Variants in ZFHX3 observed in about 807,000 individuals in gnomAD.
ZFHX3 encodes the protein zinc finger homeobox protein 3.
Under a neutral mutation model 279.1 loss-of-function variants are expected in ZFHX3, and 42 were observed. The observed-to-expected ratio is 0.15, with a 90% CI of 0.12 to 0.19. The LOEUF is 0.19. Among genes scored for constraint, ZFHX3 ranks in the 10% least tolerant of loss-of-function variants. The pLI is 1.00. For missense variants in ZFHX3, 4,981 were observed against 4,754.0 expected (o/e 1.05, Z -1.40); for synonymous variants, 2,293 against 1,957.8 (o/e 1.17, Z -4.52).
intron 3 of ZFHX3, among the ~76,000 whole-genome samples, chr16:73,327,085 T>C (rs2015704834): frequency 6.6e-6 from 1 of 152,218 alleles, no homozygotes; most frequent in African/African-American, 2.4e-5. Context: ...TTGGCAGAAA[T>C]GAAGCCCAGA....
chr16:72,965,014 C>T (rs1399732839), intron 1 of ZFHX3, among the ~76,000 whole-genome samples: 2 of 151,982 alleles, frequency 1.3e-5, no homozygotes, highest in Non-Finnish European at 2.9e-5. Context: ...AGTAGCTGGG[C>T]CTACAGGCGA....
intron 4 of ZFHX3, among the ~76,000 whole-genome samples, chr16:73,294,789 G>T (rs961601063): frequency 6.8e-5 from 10 of 147,680 alleles, no homozygotes; most frequent in African/African-American, 2.5e-4. Flanking sequence ...TCCGGCCTGG[G>T]CAACAAAGTA....
chr16:73,223,017 T>C (rs1459344319), intron 5 of ZFHX3, among the ~76,000 whole-genome samples: 3 of 151,996 alleles, frequency 2.0e-5, no homozygotes, highest in African/African-American at 7.2e-5. Context: ...ACATCCAATA[T>C]AAAAAAATGA....
At chr16:73,475,017 A>G (rs905939544) in intron 2 of ZFHX3, among the ~76,000 whole-genome samples, 6 of 152,116 alleles carry the variant, frequency 3.9e-5, no homozygotes, top group Non-Finnish European at 7.4e-5. Context: ...GGGATTCACT[A>G]CTGTCTCTTG....
intron 4 of ZFHX3, among the ~76,000 whole-genome samples, chr16:72,837,098 G>T (rs561095659): frequency 6.6e-6 from 1 of 152,206 alleles, no homozygotes; most frequent in African/African-American, 2.4e-5. Context: ...CAGTAGGACC[G>T]AAGTGCACCA....
At chr16:73,166,416 A>G (rs1967369486) in intron 5 of ZFHX3, among the ~76,000 whole-genome samples, 1 of 152,224 alleles carries the variant, frequency 6.6e-6, no homozygotes, top group Non-Finnish European at 1.5e-5. Flanking sequence ...TGGCTCAAGT[A>G]TAAAGAACTT....
chr16:73,755,727 G>A (rs1471953865), intron 1 of ZFHX3, among the ~76,000 whole-genome samples: 1 of 152,190 alleles, frequency 6.6e-6, no homozygotes, highest in African/African-American at 2.4e-5. Flanking sequence ...GCAAGAGCTT[G>A]GGGCTCAGCT....
intron 1 of ZFHX3, among the ~76,000 whole-genome samples, chr16:73,763,500 C>T (rs1189177451): frequency 6.6e-6 from 1 of 152,202 alleles, no homozygotes; most frequent in East Asian, 1.9e-4. Context: ...CCTTTCACCA[C>T]ATTTAATAGC....
intron 4 of ZFHX3, among the ~76,000 whole-genome samples, chr16:72,836,856 T>A (rs1013687533): frequency 2.6e-5 from 4 of 152,034 alleles, no homozygotes; most frequent in African/African-American, 9.7e-5. Context: ...AGTGCAGATG[T>A]GTGTGGGAGG....
chr16:72,974,404 G>A (rs1420965928), intron 1 of ZFHX3, among the ~76,000 whole-genome samples: 2 of 152,202 alleles, frequency 1.3e-5, no homozygotes, highest in Admixed American at 6.5e-5. Context: ...TCCCACAGCA[G>A]TTATCTCCAA....
At position 72,995,727 on chromosome 16, in the gene ZFHX3, T is replaced by C. The variant is rs143009346; in HGVS notation, c.-49-35533A>G. Among the ~76,000 whole-genome samples the C allele has an allele frequency of 8.5e-5, 13 of 152,288 alleles. No homozygotes were observed. The South Asian group carries it at 1.9e-3, about 22-fold the overall frequency. On this transcript the variant is annotated intron_variant, in intron 1 of 9. Coordinates refer to ENST00000268489, the MANE Select transcript of ZFHX3 (RefSeq NM_006885.4). ...CCTGCCACTCCCTAGCTGCAAGACC[T>C]TGGGCCAATCATGCAACTTCACAGG...
chr16:73,228,741 T>C (rs1310983083), intron 5 of ZFHX3, among the ~76,000 whole-genome samples: 2 of 152,140 alleles, frequency 1.3e-5, no homozygotes, highest in Non-Finnish European at 2.9e-5. Flanking sequence ...TTACTGTAGA[T>C]CATGGAGAAG....
At chr16:73,637,900 A>C (rs1022325754) in intron 2 of ZFHX3, among the ~76,000 whole-genome samples, 8 of 152,226 alleles carry the variant, frequency 5.3e-5, no homozygotes, top group African/African-American at 1.9e-4. Flanking sequence ...AATTTTAATA[A>C]AAGGGTCAGA....
intron 1 of ZFHX3, among the ~76,000 whole-genome samples, chr16:73,806,920 C>T (rs984477276): frequency 1.3e-5 from 2 of 152,128 alleles, no homozygotes; most frequent in African/African-American, 4.8e-5. Context: ...CTGAGGCTAA[C>T]TCAAGGGAAT....
chr16:73,727,608 A>T (rs1201517562), intron 1 of ZFHX3, among the ~76,000 whole-genome samples: 1 of 152,144 alleles, frequency 6.6e-6, no homozygotes, highest in Non-Finnish European at 1.5e-5. Flanking sequence ...TACGGGACTC[A>T]TTATGCATTT....
intron 2 of ZFHX3, among the ~76,000 whole-genome samples, chr16:73,602,189 A>G (rs753689132): frequency 6.6e-6 from 1 of 152,250 alleles, no homozygotes; most frequent in Non-Finnish European, 1.5e-5. Context: ...TTCTGAAGCA[A>G]CTATAACAAC....
At chr16:73,665,808 CTTTTT>C (rs527815602) in intron 2 of ZFHX3, among the ~76,000 whole-genome samples, 29 of 90,510 alleles carry the variant, frequency 3.2e-4, no homozygotes, top group Middle Eastern at 5.5e-3. Flanking sequence ...TCTTCAATAA[CTTTTT>C]TTTTTTTTTT....
intron 1 of ZFHX3, among the ~76,000 whole-genome samples, chr16:73,781,020 A>G (rs150309346): frequency 7.9e-5 from 12 of 152,326 alleles, no homozygotes; most frequent in Admixed American, 3.3e-4. Context: ...TGCTTCTTCT[A>G]TATTAAAAGC....
chr16:73,240,312 G>C (rs1464203305), intron 5 of ZFHX3, among the ~76,000 whole-genome samples: 1 of 151,910 alleles, frequency 6.6e-6, no homozygotes, highest in East Asian at 1.9e-4. Context: ...TCCACCTCCT[G>C]GGTTCAAGTG....
Sources: allele counts gnomAD v4.1 joint callset (sites outside exome capture counted in the v4.1 genomes callset), GRCh38; gene constraint gnomAD v4.1.1; transcripts MANE v1.5; gene names NCBI Gene and HGNC (gene_info 2026-07-23, HGNC 2026-07-21).